SGCG: variants seen among roughly 807,000 people sequenced by gnomAD.
SGCG encodes the protein sarcoglycan gamma, also known as gamma-sarcoglycan.
In SGCG, 26 loss-of-function variants were observed where a neutral mutation model predicts 29.3. The observed-to-expected ratio is 0.89, with a 90% confidence interval of 0.65 to 1.23. SGCG has a LOEUF of 1.23. Among genes scored for constraint, SGCG ranks in the 50% most tolerant of loss-of-function variants. The probability of loss-of-function intolerance (pLI) is 0.00; values close to 1 mark genes in which losing one functional copy is unlikely to be tolerated. For missense variants in SGCG, 353 were observed against 356.0 expected, an observed-to-expected ratio of 0.99 and a Z score of 0.07; for synonymous variants, 145 against 129.7, an observed-to-expected ratio of 1.12 and a Z score of -0.80.
the SGCG span, among the ~76,000 whole-genome samples, chr13:23,171,145 G>A: frequency 6.6e-6 from 1 of 152,150 alleles, no homozygotes; most frequent in Non-Finnish European, 1.5e-5. Context: ...AAGGCTACAT[G>A]TATCATAATC....
chr13:23,274,960 G>A (rs1478515927), intron 4 of SGCG, among the ~76,000 whole-genome samples: 1 of 151,714 alleles, frequency 6.6e-6, no homozygotes, highest in Non-Finnish European at 1.5e-5. Flanking sequence ...TTTCAGTTCA[G>A]TTAATGCCAC....
intron 2 of SGCG, among the ~76,000 whole-genome samples, chr13:23,221,097 AG>A (rs1158627288): frequency 6.6e-6 from 1 of 152,212 alleles, no homozygotes; most frequent in Non-Finnish European, 1.5e-5. Context: ...TCCTTTTACA[AG>A]GAAAAGAATT....
At chr13:23,282,348 T>A (rs914406963) in intron 5 of SGCG, among the ~76,000 whole-genome samples, 9 of 152,238 alleles carry the variant, frequency 5.9e-5, no homozygotes, top group African/African-American at 1.9e-4. Context: ...AAACTTTTAC[T>A]TTAAGTTCAG....
At chr13:23,172,352 A>C in the SGCG span, among the ~76,000 whole-genome samples, 5 of 152,206 alleles carry the variant, frequency 3.3e-5, no homozygotes, top group Non-Finnish European at 5.9e-5. Context: ...ACATATCTCA[A>C]TATGTGTTGA....
intron 6 of SGCG, among the ~76,000 whole-genome samples, chr13:23,307,433 TAA>T (rs1008296124): frequency 6.6e-6 from 1 of 152,312 alleles, no homozygotes. Context: ...TTTCGTGAGT[TAA>T]AAAAAGTTAT....
At chr13:23,272,902 T>G (rs1006319019) in intron 4 of SGCG, among the ~76,000 whole-genome samples, 6 of 152,234 alleles carry the variant, frequency 3.9e-5, no homozygotes, top group Admixed American at 2.0e-4. Context: ...TGCAGAGTTC[T>G]GCATAGTTGT....
chr13:23,190,841 G>A (rs963156982), intron 1 of SGCG, among the ~76,000 whole-genome samples: 1 of 152,080 alleles, frequency 6.6e-6, no homozygotes, highest in Non-Finnish European at 1.5e-5. Context: ...TTATATCACT[G>A]ACGATATTAG....
intron 6 of SGCG, among the ~76,000 whole-genome samples, chr13:23,307,574 G>A (rs1882404950): frequency 6.6e-6 from 1 of 152,078 alleles, no homozygotes; most frequent in Admixed American, 6.6e-5. Flanking sequence ...GCATCTTTTA[G>A]GAGATAGGTT....
chr13:23,312,744 C>T (rs191508658), intron 6 of SGCG, among the ~76,000 whole-genome samples: 1 of 151,974 alleles, frequency 6.6e-6, no homozygotes, highest in South Asian at 2.1e-4. Flanking sequence ...CCCCCTAAAT[C>T]TATACATATT....
intron 2 of SGCG, among the ~76,000 whole-genome samples, chr13:23,219,655 T>A (rs1878577350): frequency 6.6e-6 from 1 of 152,110 alleles, no homozygotes; most frequent in Non-Finnish European, 1.5e-5. Context: ...ATATTTTAGA[T>A]AATGGATATG....
chr13:23,299,454 A>ATT (rs1882057854), intron 6 of SGCG, among the ~76,000 whole-genome samples: 8 of 42,660 alleles, frequency 1.9e-4, no homozygotes, highest in African/African-American at 5.3e-4. Flanking sequence ...ATATATATAT[A>ATT]TATTTTTTTT....
intron 6 of SGCG, among the ~76,000 whole-genome samples, chr13:23,303,883 A>G (rs76036686): frequency 0.06 from 9,080 of 151,916 alleles, 329 homozygotes; most frequent in South Asian, 0.099. Flanking sequence ...CATTGTTACA[A>G]TAAATTCTAT....
intron 2 of SGCG, among the ~76,000 whole-genome samples, chr13:23,228,748 C>G (rs958866839): frequency 6.6e-6 from 1 of 152,166 alleles, no homozygotes; most frequent in Non-Finnish European, 1.5e-5. Context: ...TGTTAGTATG[C>G]TAAAGATAAT....
intron 1 of SGCG, among the ~76,000 whole-genome samples, chr13:23,194,996 C>A (rs540453932): frequency 6.6e-6 from 1 of 152,330 alleles, no homozygotes; most frequent in South Asian, 2.1e-4. Context: ...AACATTAACT[C>A]AGCTTTCATT....
chr13:23,300,973 G>GGTGT (rs1882137395), intron 6 of SGCG, among the ~76,000 whole-genome samples: 1 of 151,718 alleles, frequency 6.6e-6, no homozygotes, highest in Admixed American at 6.6e-5. Flanking sequence ...AGAATTAGCC[G>GGTGT]GGTGTGGTGG....
At chr13:23,304,940 T>C (rs1210763416) in intron 6 of SGCG, among the ~76,000 whole-genome samples, 1 of 152,170 alleles carries the variant, frequency 6.6e-6, no homozygotes, top group Non-Finnish European at 1.5e-5. Context: ...GGACTAGTTG[T>C]GCACACATGC....
chr13:23,256,385 T>C (rs1034278818), intron 4 of SGCG, among the ~76,000 whole-genome samples: 5 of 152,028 alleles, frequency 3.3e-5, no homozygotes, highest in Non-Finnish European at 7.4e-5. Context: ...CATGAAAAAC[T>C]TTTTTTTATA....
chr13:23,212,691 G>C lies in SGCG; in HGVS notation c.195+8802G>C, dbSNP rs184836076. Among the ~76,000 whole-genome samples the C allele has an allele frequency of 2.6e-5, 4 of 152,268 alleles. No individual in the cohort carries two copies. The East Asian group carries it at 5.8e-4, about 22-fold the overall frequency. ...GCATGGGCATGATATGAGGGAGTGA[G>C]AAGAGAGGCTCCAGTTAACTTGGGA... On this transcript the variant is annotated intron_variant, in intron 2 of 7. Transcript: ENST00000218867.
At chr13:23,318,827 A>G (rs774982736) in intron 6 of SGCG, among the ~76,000 whole-genome samples, 4 of 152,208 alleles carry the variant, frequency 2.6e-5, no homozygotes, top group Non-Finnish European at 5.9e-5. Context: ...GTAAATGATC[A>G]GGTTGAAGTC....
Sources: gnomAD v4.1 joint callset for allele counts (sites outside exome capture counted in the v4.1 genomes callset) on GRCh38, gnomAD v4.1.1 for gene constraint, MANE v1.5 for transcripts, NCBI Gene and HGNC (gene_info 2026-07-23, HGNC 2026-07-21) for gene names.